Variants in ZNF804B observed in about 807,000 individuals in gnomAD.
The protein encoded by ZNF804B is zinc finger 804B.
In ZNF804B, 80 loss-of-function variants were observed where a neutral mutation model predicts 101.4. That is an observed-to-expected ratio of 0.79 (90% CI 0.66 to 0.95). The LOEUF (loss-of-function observed/expected upper bound fraction) is 0.95, where lower values mean the gene tolerates loss of function less well. Ranked by LOEUF, ZNF804B falls within the 40% of genes least tolerant of loss-of-function variation. ZNF804B has a pLI of 0.00. For missense variants in ZNF804B, 1,673 were observed against 1,561.9 expected (o/e 1.07, Z -1.20); for synonymous variants, 622 against 558.8 (o/e 1.11, Z -1.59).
chr7:89,303,662 G>T (rs540819825), intron 2 of ZNF804B, among the ~76,000 whole-genome samples: 1 of 151,984 alleles, frequency 6.6e-6, no homozygotes, highest in Admixed American at 6.6e-5. Context: ...AAAAGTTTTG[G>T]CATTATATCT....
intron 1 of ZNF804B, among the ~76,000 whole-genome samples, chr7:89,147,144 T>C (rs1790804595): frequency 6.6e-6 from 1 of 150,950 alleles, no homozygotes; most frequent in African/African-American, 2.4e-5. Flanking sequence ...TTTAGTGTAA[T>C]AATAAACATT....
chr7:89,115,771 T>C, intron 1 of ZNF804B, among the ~76,000 whole-genome samples: 1 of 152,230 alleles, frequency 6.6e-6, no homozygotes, highest in Non-Finnish European at 1.5e-5. Flanking sequence ...ATGATAGTTC[T>C]TTGTAGTTTT....
chr7:89,176,587 C>CTTTTTTTTTTTTTTTTTTTTTTTTTTT (rs142696289), intron 1 of ZNF804B, among the ~76,000 whole-genome samples: 26 of 53,972 alleles, frequency 4.8e-4, no homozygotes, highest in African/African-American at 8.5e-4. Flanking sequence ...TTCTTTCTTT[C>CTTTTTTTTTTTTTTTTTTTTTTTTTTT]TTTCTTTTTT....
At chr7:89,279,074 G>T (rs1050381899) in intron 2 of ZNF804B, among the ~76,000 whole-genome samples, 1 of 152,096 alleles carries the variant, frequency 6.6e-6, no homozygotes, top group Admixed American at 6.5e-5. Flanking sequence ...CACATCCCTT[G>T]TAAGGTGGAT....
intron 1 of ZNF804B, among the ~76,000 whole-genome samples, chr7:88,855,378 G>T (rs1241306857): frequency 1.3e-5 from 2 of 151,084 alleles, no homozygotes; most frequent in Non-Finnish European, 2.9e-5. Flanking sequence ...TTTTTCATGT[G>T]TCTGTTGGCT....
chr7:88,818,043 G>A (rs1790913411), intron 1 of ZNF804B, among the ~76,000 whole-genome samples: 1 of 152,228 alleles, frequency 6.6e-6, no homozygotes, highest in East Asian at 1.9e-4. Flanking sequence ...TATTTCTCAG[G>A]CACTGGAGCA....
intron 1 of ZNF804B, among the ~76,000 whole-genome samples, chr7:89,077,208 C>T (rs1789628228): frequency 6.6e-6 from 1 of 152,100 alleles, no homozygotes; most frequent in Admixed American, 6.5e-5. Context: ...TTGGGATCAT[C>T]CAGACCTGGA....
intron 1 of ZNF804B, among the ~76,000 whole-genome samples, chr7:89,117,009 A>T (rs1790322082): frequency 6.6e-6 from 1 of 152,178 alleles, no homozygotes; most frequent in Non-Finnish European, 1.5e-5. Flanking sequence ...CTTTGACCAC[A>T]CAGAGAAGGC....
intron 1 of ZNF804B, among the ~76,000 whole-genome samples, chr7:89,157,368 A>C (rs2116415088): frequency 6.6e-6 from 1 of 152,278 alleles, no homozygotes; most frequent in African/African-American, 2.4e-5. Context: ...TTAGAGAGAA[A>C]GCTTTTGATT....
intron 1 of ZNF804B, among the ~76,000 whole-genome samples, chr7:88,963,705 T>C (rs1793419800): frequency 6.6e-6 from 1 of 151,374 alleles, no homozygotes; most frequent in South Asian, 2.1e-4. Flanking sequence ...AACTTTTTTT[T>C]ACATCATAGA....
intron 1 of ZNF804B, among the ~76,000 whole-genome samples, chr7:88,854,711 A>T (rs1160637425): frequency 6.7e-6 from 1 of 148,468 alleles, no homozygotes; most frequent in Admixed American, 6.7e-5. Flanking sequence ...CCATTAACTC[A>T]TCATTTAACA....
chr7:89,012,110 G>A (rs764322894), intron 1 of ZNF804B, among the ~76,000 whole-genome samples: 14 of 152,126 alleles, frequency 9.2e-5, no homozygotes, highest in Admixed American at 5.9e-4. Flanking sequence ...TTAAGCCACC[G>A]AAGTTTGGGG....
At chr7:88,780,298 T>C (rs954352730) in intron 1 of ZNF804B, among the ~76,000 whole-genome samples, 2 of 151,596 alleles carry the variant, frequency 1.3e-5, no homozygotes, top group African/African-American at 4.8e-5. Flanking sequence ...AGAGACATAC[T>C]CATATCTTCA....
At chr7:89,309,879 G>A (rs1369266273) in intron 2 of ZNF804B, among the ~76,000 whole-genome samples, 1 of 149,904 alleles carries the variant, frequency 6.7e-6, no homozygotes, top group Non-Finnish European at 1.5e-5. Flanking sequence ...GGCAGACAAT[G>A]CTGGTCACTT....
At chr7:88,931,968 G>C (rs920899847) in intron 1 of ZNF804B, among the ~76,000 whole-genome samples, 1 of 151,186 alleles carries the variant, frequency 6.6e-6, no homozygotes, top group African/African-American at 2.4e-5. Flanking sequence ...TGTGTTTTCT[G>C]TCTGCCCTTC....
intron 1 of ZNF804B, among the ~76,000 whole-genome samples, chr7:88,961,461 A>G (rs957122042): frequency 2.0e-5 from 3 of 151,412 alleles, no homozygotes; most frequent in Admixed American, 6.6e-5. Flanking sequence ...AGGTATCCAC[A>G]AAGGAAACAT....
chr7:89,219,314 C>G (rs1472842668), intron 2 of ZNF804B, among the ~76,000 whole-genome samples: 1 of 151,856 alleles, frequency 6.6e-6, no homozygotes, highest in East Asian at 1.9e-4. Flanking sequence ...GAAAGCAATT[C>G]TCAATAAAAG....
chr7:89,104,922 CAT>C (rs1416275607), intron 1 of ZNF804B, among the ~76,000 whole-genome samples: 1 of 152,100 alleles, frequency 6.6e-6, no homozygotes, highest in Non-Finnish European at 1.5e-5. Context: ...TCAACGCAAA[CAT>C]GTTCTTCTAC....
At chr7:89,277,769 T>C (rs1241382087) in intron 2 of ZNF804B, among the ~76,000 whole-genome samples, 1 of 151,982 alleles carries the variant, frequency 6.6e-6, no homozygotes, top group Non-Finnish European at 1.5e-5. Flanking sequence ...TTTGTGTTGG[T>C]TCCAAGTCTT....
Sources: gnomAD v4.1 joint callset for allele counts (sites outside exome capture counted in the v4.1 genomes callset) on GRCh38, gnomAD v4.1.1 for gene constraint, MANE v1.5 for transcripts, NCBI Gene and HGNC (gene_info 2026-07-23, HGNC 2026-07-21) for gene names.